Variants in NRG3 observed in about 807,000 individuals in gnomAD.
The protein encoded by NRG3 is neuregulin 3, also known as pro-neuregulin-3, membrane-bound isoform.
Under a neutral mutation model 66.9 loss-of-function variants are expected in NRG3, and 31 were observed. The ratio of observed to expected loss-of-function variants is 0.46; its 90% confidence interval spans 0.35 to 0.63. NRG3 has a LOEUF of 0.63. Among genes scored for constraint, NRG3 ranks in the 20% least tolerant of loss-of-function variants. The pLI, the probability that NRG3 is intolerant of heterozygous loss-of-function variation, is 0.00. For synonymous variants in NRG3, 393 were observed against 359.4 expected, an observed-to-expected ratio of 1.09 and a Z score of -1.06; for missense variants, 910 against 878.9, an observed-to-expected ratio of 1.04 and a Z score of -0.45.
chr10:82,785,335 C>T (rs997237222), intron 3 of NRG3, among the ~76,000 whole-genome samples: 4 of 150,034 alleles, frequency 2.7e-5, no homozygotes, highest in Non-Finnish European at 5.9e-5. Context: ...GCACGTGTAC[C>T]CTAAAACTTA....
At chr10:82,910,892 G>A (rs529492720) in intron 4 of NRG3, among the ~76,000 whole-genome samples, 26 of 152,234 alleles carry the variant, frequency 1.7e-4, no homozygotes, top group Non-Finnish European at 2.5e-4. Context: ...TTGGAACATA[G>A]TAACTGAAGA....
intron 1 of NRG3, among the ~76,000 whole-genome samples, chr10:81,999,801 T>C (rs1480634607): frequency 2.0e-5 from 3 of 152,186 alleles, no homozygotes; most frequent in Non-Finnish European, 4.4e-5. Flanking sequence ...ATATTGTTAA[T>C]TTATTATCTC....
chr10:82,649,798 C>T (rs886131433), intron 2 of NRG3, among the ~76,000 whole-genome samples: 1 of 151,922 alleles, frequency 6.6e-6, no homozygotes, highest in South Asian at 2.1e-4. Flanking sequence ...TGGGACACAG[C>T]CTTAAACTGC....
chr10:82,279,227 A>G (rs2079009613), intron 1 of NRG3, among the ~76,000 whole-genome samples: 1 of 152,134 alleles, frequency 6.6e-6, no homozygotes, highest in Admixed American at 6.6e-5. Context: ...ATTTGACTCA[A>G]ACTGTGCTGA....
chr10:82,065,275 A>G (rs955288792), intron 1 of NRG3, among the ~76,000 whole-genome samples: 1 of 152,162 alleles, frequency 6.6e-6, no homozygotes, highest in African/African-American at 2.4e-5. Flanking sequence ...ATAAAAACAC[A>G]TAGACAATTG....
chr10:82,948,554 C>A (rs1269910123), intron 4 of NRG3, among the ~76,000 whole-genome samples: 1 of 152,034 alleles, frequency 6.6e-6, no homozygotes, highest in Non-Finnish European at 1.5e-5. Flanking sequence ...TAATATCAAG[C>A]CTTCTAATCC....
At chr10:82,434,451 G>C (rs1361201857) in intron 2 of NRG3, among the ~76,000 whole-genome samples, 1 of 151,984 alleles carries the variant, frequency 6.6e-6, no homozygotes, top group East Asian at 1.9e-4. Flanking sequence ...TCTTTCTCTT[G>C]CCTGATTTCC....
intron 4 of NRG3, among the ~76,000 whole-genome samples, chr10:82,876,337 T>C (rs1457812722): frequency 6.6e-6 from 1 of 152,172 alleles, no homozygotes; most frequent in Non-Finnish European, 1.5e-5. Context: ...ATTAATTATG[T>C]AGTAATTATA....
At chr10:82,524,586 T>G (rs1479875728) in intron 2 of NRG3, among the ~76,000 whole-genome samples, 1 of 151,928 alleles carries the variant, frequency 6.6e-6, no homozygotes, top group Non-Finnish European at 1.5e-5. Context: ...CTCTGTTAGA[T>G]ATATATAATC....
chr10:82,034,820 G>GTC (rs1379460960), intron 1 of NRG3, among the ~76,000 whole-genome samples: 1 of 152,020 alleles, frequency 6.6e-6, no homozygotes, highest in Non-Finnish European at 1.5e-5. Context: ...AGTGAGAGCA[G>GTC]AGGCTCTGCT....
At chr10:82,496,534 T>G (rs905175481) in intron 2 of NRG3, among the ~76,000 whole-genome samples, 1 of 152,244 alleles carries the variant, frequency 6.6e-6, no homozygotes, top group Non-Finnish European at 1.5e-5. Flanking sequence ...TTTCTCTTTC[T>G]GCCTTTAATG....
At chr10:81,902,794 C>T (rs1844203138) in intron 1 of NRG3, among the ~76,000 whole-genome samples, 2 of 152,146 alleles carry the variant, frequency 1.3e-5, no homozygotes, top group African/African-American at 4.8e-5. Flanking sequence ...TGGTTACAAC[C>T]TCTGCCTCTC....
chr10:82,192,350 T>C (rs11192921), intron 1 of NRG3, among the ~76,000 whole-genome samples: 85,642 of 152,096 alleles, frequency 0.56, 25,391 homozygotes, highest in Middle Eastern at 0.69. Context: ...TTATTTTGTC[T>C]TTTAATTAGT....
At chr10:81,949,974 C>T (rs77891870) in intron 1 of NRG3, among the ~76,000 whole-genome samples, 9,434 of 152,184 alleles carry the variant, frequency 0.062, 308 homozygotes, top group African/African-American at 0.076. Context: ...CACTGAAGGC[C>T]ACATCTCTAT....
rs181846847 is a variant in NRG3, at chr10:82,419,064, G to A, written c.953+60196G>A. ...AACACATTAAACTTAACCCTACAGG[G>A]ATAAACCAAGAGCGCTACTGATGTT... On this transcript the variant is annotated intron_variant, in intron 2 of 8. Coordinates refer to ENST00000372141, the MANE Select transcript of NRG3 (RefSeq NM_001010848.4). Among the ~76,000 whole-genome samples, 802 of 152,210 alleles carry A rather than the reference G, an allele frequency of 5.3e-3. 7 individuals carry two copies. The highest frequency in any genetic ancestry group is 0.019 in the African/African-American group (780 of 41,532).
intron 8 of NRG3, 93 bp downstream of exon 8, chr10:82,979,213 G>C: frequency 7.6e-7 from 1 of 1,308,406 alleles, no homozygotes; most frequent in Non-Finnish European, 1.1e-6. Flanking sequence ...TTTATTCATT[G>C]ATTTATTCAT....
chr10:81,921,611 T>G (rs1846260281), intron 1 of NRG3, among the ~76,000 whole-genome samples: 1 of 152,142 alleles, frequency 6.6e-6, no homozygotes, highest in South Asian at 2.1e-4. Flanking sequence ...TTAATGTTTC[T>G]TAGGTTATTT....
chr10:82,712,782 G>A (rs2056750940), intron 2 of NRG3, among the ~76,000 whole-genome samples: 1 of 152,128 alleles, frequency 6.6e-6, no homozygotes, highest in Non-Finnish European at 1.5e-5. Context: ...TGGAACATGA[G>A]AATATTACTG....
chr10:82,138,172 A>G (rs2069503877), intron 1 of NRG3, among the ~76,000 whole-genome samples: 1 of 152,040 alleles, frequency 6.6e-6, no homozygotes, highest in Non-Finnish European at 1.5e-5. Flanking sequence ...AAAAATGTGT[A>G]TATGTGTGTG....
Sources: gnomAD v4.1 joint callset for allele counts (sites outside exome capture counted in the v4.1 genomes callset) on GRCh38, gnomAD v4.1.1 for gene constraint, MANE v1.5 for transcripts, NCBI Gene and HGNC (gene_info 2026-07-23, HGNC 2026-07-21) for gene names.